The following PELI2 variants were observed in gnomAD, a reference collection of about 807,000 sequenced individuals.
PELI2 encodes the protein pellino E3 ubiquitin protein ligase family member 2.
Under a neutral mutation model 42.3 loss-of-function variants are expected in PELI2, and 23 were observed. The observed-to-expected ratio is 0.54, with a 90% CI of 0.39 to 0.77. The LOEUF is 0.77. Among genes scored for constraint, PELI2 ranks in the 30% least tolerant of loss-of-function variants. The pLI is 0.00. For synonymous variants in PELI2, 245 were observed against 212.2 expected (o/e 1.15, Z -1.34); for missense variants, 463 against 553.2 (o/e 0.84, Z 1.64).
chr14:56,277,972 A>G (rs568997119), intron 2 of PELI2, among the ~76,000 whole-genome samples: 19 of 152,280 alleles, frequency 1.2e-4, no homozygotes, highest in African/African-American at 3.8e-4. Flanking sequence ...AGTATTTCCC[A>G]TTATTGCACT....
intron 1 of PELI2, among the ~76,000 whole-genome samples, chr14:56,146,645 G>A (rs1402188001): frequency 6.6e-6 from 1 of 152,200 alleles, no homozygotes; most frequent in Non-Finnish European, 1.5e-5. Context: ...GGAATGGGTG[G>A]TTCTGTACTA....
intron 1 of PELI2, among the ~76,000 whole-genome samples, chr14:56,154,760 G>A (rs925585983): frequency 6.6e-6 from 1 of 152,140 alleles, no homozygotes; most frequent in African/African-American, 2.4e-5. Context: ...TGTGTCCTTA[G>A]GATAGACCCT....
Position 56,149,304 on chromosome 14 carries a change from A to G in PELI2, c.78-29031A>G, listed in dbSNP as rs373991698. ...ATTGAAAAGTGAGGGCTTTGCAAAC[A>G]GTGTGCTTTTCCCTGTTTAACTTTC... is the stretch of plus-strand genomic sequence containing the variant. On this transcript the variant is annotated intron_variant, in intron 1 of 5. Transcript: ENST00000267460. Among the ~76,000 whole-genome samples the G allele has an allele frequency of 2.9e-4, 44 of 152,320 alleles. No homozygotes were observed. In the East Asian group the frequency reaches 8.1e-3, roughly 28 times the overall value.
intron 2 of PELI2, among the ~76,000 whole-genome samples, chr14:56,274,536 TTATA>T (rs1716324060): frequency 6.6e-6 from 1 of 152,234 alleles, no homozygotes; most frequent in Admixed American, 6.5e-5. Context: ...TCATTACATT[TTATA>T]TAAGTGCCTT....
chr14:56,172,489 A>C (rs561276947), intron 1 of PELI2, among the ~76,000 whole-genome samples: 6 of 152,310 alleles, frequency 3.9e-5, no homozygotes, highest in Non-Finnish European at 7.3e-5. Flanking sequence ...GTGGGAGAAG[A>C]AGCCCTCTTT....
At chr14:56,260,558 A>G (rs1398805723) in intron 2 of PELI2, among the ~76,000 whole-genome samples, 1 of 152,228 alleles carries the variant, frequency 6.6e-6, no homozygotes, top group African/African-American at 2.4e-5. Flanking sequence ...TGGTGGTTAC[A>G]TGACTCTTCA....
chr14:56,288,596 G>A lies in PELI2; in HGVS notation c.469G>A (p.Ala157Thr), dbSNP rs1167174306. The A allele has an allele frequency of 2.5e-6, 4 of 1,613,854 alleles. No homozygotes were observed. Among genetic ancestry groups the A allele is most frequent in the South Asian group, 1.1e-5 (1 of 91,038 alleles). The change falls in exon 4 of 6, where the codon GCC (alanine) becomes ACC (threonine). Residue 157 changes from alanine to threonine, a missense_variant. By Grantham distance (58) the Ala-to-Thr change is moderately conservative (BLOSUM62 0). Transcript: ENST00000267460. This position sits in a 1 kb window ranked among gnomAD's most constrained non-coding sequence, Gnocchi z 4.6. The part of the protein sequence containing the change: ...RNEPYTARIF[A>T]AGFDSSKNIF... Reference sequence around the variant, plus strand: ...TGAACCTTACACAGCACGGATATTCGCCGCCGGATTTGACTCTTCCAAAAA... The same window carrying A: ...TGAACCTTACACAGCACGGATATTCACCGCCGGATTTGACTCTTCCAAAAA...
intron 2 of PELI2, among the ~76,000 whole-genome samples, chr14:56,195,538 C>T (rs1886100872): frequency 6.6e-6 from 1 of 152,196 alleles, no homozygotes; most frequent in Non-Finnish European, 1.5e-5. Flanking sequence ...AACAGAATTG[C>T]TGTGTGGAAG....
chr14:56,127,706 A>G (rs1257552390), intron 1 of PELI2, among the ~76,000 whole-genome samples: 1 of 152,224 alleles, frequency 6.6e-6, no homozygotes, highest in African/African-American at 2.4e-5. Flanking sequence ...ACACTTTGCC[A>G]TAGAAAGAAA....
chr14:56,138,949 A>G (rs1883792655), intron 1 of PELI2, among the ~76,000 whole-genome samples: 1 of 152,148 alleles, frequency 6.6e-6, no homozygotes, highest in Admixed American at 6.5e-5. Context: ...GACAAAGTTG[A>G]TGAACATGTG....
In PELI2 at chr14:56,172,523, A is replaced by G. The variant is rs188637205; in HGVS notation, c.78-5812A>G. Among the ~76,000 whole-genome samples, 50 of 152,298 alleles carry G rather than the reference A, an allele frequency of 3.3e-4. 1 individual carries two copies. The highest frequency in any genetic ancestry group is 3.2e-3 in the Admixed American group (49 of 15,300). On this transcript the variant is annotated intron_variant, in intron 1 of 5. Coordinates refer to ENST00000267460, the MANE Select transcript of PELI2 (RefSeq NM_021255.3). ...TTAATCTGCCACACTGGGTTCCTTG[A>G]TAGGAGAGCGGCTGGGAGACTCTTA...
rs183601463 is a variant in PELI2 at position 56,272,382 on chromosome 14, G to A, written c.208-7294G>A. On this transcript the variant is annotated intron_variant, in intron 2 of 5. Transcript: ENST00000267460. ...ATGCATACACACACGCATGCACACC[G>A]CATTCCCTTAAATGAGGCAGACTCT... Among the ~76,000 whole-genome samples, 23 of 152,316 alleles carry A rather than the reference G, an allele frequency of 1.5e-4. No homozygotes were observed. The East Asian group carries it at 1.7e-3, about 12-fold the overall frequency.
intron 1 of PELI2, among the ~76,000 whole-genome samples, chr14:56,152,211 A>G (rs747773465): frequency 1.3e-5 from 2 of 152,190 alleles, no homozygotes; most frequent in African/African-American, 2.4e-5. Context: ...CTTCAGATGG[A>G]CAGGTTAGAT....
At chr14:56,149,374 G>A (rs930931681) in intron 1 of PELI2, among the ~76,000 whole-genome samples, 2 of 152,098 alleles carry the variant, frequency 1.3e-5, no homozygotes, top group Non-Finnish European at 2.9e-5. Context: ...AAGATATTCC[G>A]CACACTGCAG....
chr14:56,150,203 A>T (rs115660817), intron 1 of PELI2, among the ~76,000 whole-genome samples: 9 of 152,252 alleles, frequency 5.9e-5, no homozygotes, highest in Non-Finnish European at 1.0e-4. Flanking sequence ...GCACGGCGTA[A>T]CTGTCAAGTG....
chr14:56,272,127 T>C lies in PELI2; in HGVS notation c.208-7549T>C, dbSNP rs80171601. Among the ~76,000 whole-genome samples, 15 of 152,326 alleles carry C rather than the reference T, an allele frequency of 9.8e-5. 1 individual carries two copies. In the East Asian group the frequency reaches 2.9e-3, roughly 29 times the overall value. On this transcript the variant is annotated intron_variant, in intron 2 of 5. Transcript: ENST00000267460. ...ACAAAGAAGACTATGCAGAGTGTGC[T>C]CATTTCAAAAACATTCATTTGATTT...
intron 1 of PELI2, among the ~76,000 whole-genome samples, chr14:56,128,427 G>A (rs1883359286): frequency 6.6e-6 from 1 of 152,214 alleles, no homozygotes; most frequent in Non-Finnish European, 1.5e-5. Flanking sequence ...TTAATGACTT[G>A]TCCAAGCTCA....
chr14:56,215,434 G>C, intron 2 of PELI2, among the ~76,000 whole-genome samples: 1 of 152,152 alleles, frequency 6.6e-6, no homozygotes, highest in Non-Finnish European at 1.5e-5. Flanking sequence ...CTTTTCACAT[G>C]ATTTGGGGTT....
intron 2 of PELI2, among the ~76,000 whole-genome samples, chr14:56,234,012 A>G (rs1381589121): frequency 6.6e-6 from 1 of 152,256 alleles, no homozygotes. Context: ...GCTCATCATC[A>G]CTGGCCATCA....
Sources: allele counts gnomAD v4.1 joint callset (sites outside exome capture counted in the v4.1 genomes callset), GRCh38; gene constraint gnomAD v4.1.1; non-coding constraint Gnocchi (gnomAD v3.1); transcripts MANE v1.5; gene names NCBI Gene and HGNC (gene_info 2026-07-23, HGNC 2026-07-21).